Variants in ZC3H12C observed in about 807,000 individuals in gnomAD.
ZC3H12C encodes probable ribonuclease ZC3H12C.
A neutral mutation model predicts 76.3 loss-of-function variants in ZC3H12C; 20 were observed. The ratio of observed to expected loss-of-function variants is 0.26; its 90% CI spans 0.18 to 0.38. ZC3H12C has a LOEUF of 0.38. ZC3H12C is among the 10% of genes least tolerant of loss of function. The pLI is 1.00. For missense variants in ZC3H12C, 874 were observed against 1,086.5 expected (o/e 0.80, Z 2.75); for synonymous variants, 352 against 399.6 (o/e 0.88, Z 1.42).
intron 1 of ZC3H12C, among the ~76,000 whole-genome samples, chr11:110,109,037 A>G (rs1402782073): frequency 1.3e-5 from 2 of 152,192 alleles, no homozygotes; most frequent in East Asian, 1.9e-4. Flanking sequence ...TATACCGTAT[A>G]ATTTCTTTCT....
chr11:110,110,258 T>G (rs57156442), intron 1 of ZC3H12C, among the ~76,000 whole-genome samples: 4,916 of 152,194 alleles, frequency 0.032, 155 homozygotes, highest in East Asian at 0.086. Flanking sequence ...TAGTTTGTTT[T>G]AAAAATATTT....
At chr11:110,160,463 C>T (rs552978247) in intron 4 of ZC3H12C, among the ~76,000 whole-genome samples, 78 of 152,050 alleles carry the variant, frequency 5.1e-4, no homozygotes, top group African/African-American at 1.8e-3. Flanking sequence ...TGTACAAAAA[C>T]ATTTTCCTTC....
intron 2 of ZC3H12C, among the ~76,000 whole-genome samples, 160 bp from the exon 3 acceptor site, chr11:110,152,759 C>T (rs1317666431): frequency 2.0e-5 from 3 of 152,166 alleles, no homozygotes; most frequent in African/African-American, 7.2e-5. Context: ...TGATTTTCAA[C>T]TTAGTTATCT....
chr11:110,134,427 A>G (rs1861918735), intron 1 of ZC3H12C, among the ~76,000 whole-genome samples: 1 of 152,050 alleles, frequency 6.6e-6, no homozygotes, highest in Non-Finnish European at 1.5e-5. Flanking sequence ...CGTTTAAGAT[A>G]CTTTTGGTGG....
At chr11:110,106,501 TG>T (rs1194015998) in intron 1 of ZC3H12C, among the ~76,000 whole-genome samples, 1 of 152,202 alleles carries the variant, frequency 6.6e-6, no homozygotes, top group Non-Finnish European at 1.5e-5. Flanking sequence ...TATGTGATCT[TG>T]GGTAGGTTTC....
Position 110,169,342 on chromosome 11 carries a change from GTGT to G in ZC3H12C, c.*3606_*3608del, listed in dbSNP as rs1862635246. ...GACAGGTGGGAGGATGGCTCTGGGT[GTGT>G]GTGTGTGTGTGTGTGTGTGTGTGTG... On this transcript the variant is annotated 3_prime_UTR_variant, in exon 6 of 6. Coordinates refer to ENST00000278590, the MANE Select transcript of ZC3H12C (RefSeq NM_033390.2). 1.0e-4 allele frequency: 2 copies of G among 19,264 alleles called. No individual in the cohort carries two copies. Among genetic ancestry groups the G allele is most frequent in the East Asian group, 0.025 (2 of 80 alleles). The allele number at this position is 19,264 out of a possible 1,614,324, so 1.2% of individuals were successfully genotyped here.
intron 1 of ZC3H12C, chr11:110,136,366 T>G: frequency 7.3e-6 from 2 of 272,628 alleles, no homozygotes; most frequent in East Asian, 7.8e-5. Flanking sequence ...AGAAGGAGCA[T>G]GATATAGTGG....
intron 1 of ZC3H12C, among the ~76,000 whole-genome samples, chr11:110,093,839 G>A (rs1176469859): frequency 6.7e-6 from 1 of 150,150 alleles, no homozygotes; most frequent in Non-Finnish European, 1.5e-5. Context: ...GCTCAGACTC[G>A]CGCGCGCTCG....
At chr11:110,142,354 T>C (rs947675970) in intron 2 of ZC3H12C, among the ~76,000 whole-genome samples, 2 of 152,180 alleles carry the variant, frequency 1.3e-5, no homozygotes, top group Non-Finnish European at 2.9e-5. Context: ...TCCTATTACA[T>C]AGAAATAAAG....
intron 1 of ZC3H12C, among the ~76,000 whole-genome samples, chr11:110,114,863 G>A (rs1346910480): frequency 6.6e-6 from 1 of 152,052 alleles, no homozygotes; most frequent in Admixed American, 6.5e-5. Context: ...AAATATTATG[G>A]CTTTAACTTT....
At chr11:110,155,636 CT>C (rs1376414422) in intron 3 of ZC3H12C, among the ~76,000 whole-genome samples, 1 of 151,986 alleles carries the variant, frequency 6.6e-6, no homozygotes, top group Non-Finnish European at 1.5e-5. Flanking sequence ...TTTTAATGAT[CT>C]GCAGAAATGC....
intron 3 of ZC3H12C, among the ~76,000 whole-genome samples, chr11:110,155,056 G>T (rs1287936447): frequency 6.6e-6 from 1 of 152,134 alleles, no homozygotes; most frequent in South Asian, 2.1e-4. Flanking sequence ...GGGAGACCGA[G>T]GCAGATGGAT....
At chr11:110,150,685 G>C (rs978278765) in intron 2 of ZC3H12C, among the ~76,000 whole-genome samples, 1 of 152,042 alleles carries the variant, frequency 6.6e-6, no homozygotes, top group Non-Finnish European at 1.5e-5. Flanking sequence ...ATTAGATCAA[G>C]CTTGTAATTG....
intron 1 of ZC3H12C, among the ~76,000 whole-genome samples, chr11:110,125,283 G>GTGTA (rs1861720626): frequency 2.0e-4 from 3 of 14,996 alleles, no homozygotes; most frequent in Non-Finnish European, 4.8e-4. Flanking sequence ...GTGTGTGTGT[G>GTGTA]TGTGTGTGTG....
In ZC3H12C at chr11:110,164,291, T is replaced by A; in HGVS notation, c.1256-50T>A. On this transcript the variant is annotated intron_variant, in intron 5 of 5. Coordinates refer to ENST00000278590, the MANE Select transcript of ZC3H12C (RefSeq NM_033390.2). This position sits in a 1 kb window ranked among gnomAD's most constrained non-coding sequence, Gnocchi z 5.7. ...AAAATCATAGGGCCAAACTGAGTTT[T>A]CAGGATCTGATGGTATGCTCCTTTG... The A allele has an allele frequency of 6.8e-7, 1 of 1,473,144 alleles. No homozygotes were observed. The highest frequency in any genetic ancestry group is 2.4e-5 in the East Asian group (1 of 41,050). 91.3% of individuals were successfully genotyped at this position (1,473,144 alleles called of 1,614,324 possible).
intron 4 of ZC3H12C, among the ~76,000 whole-genome samples, chr11:110,161,851 C>T (rs1173919669): frequency 6.6e-6 from 1 of 152,172 alleles, no homozygotes; most frequent in Non-Finnish European, 1.5e-5. Context: ...AAGAATTATG[C>T]CAGGTGTGGT....
chr11:110,107,458 C>T (rs553446242), intron 1 of ZC3H12C, among the ~76,000 whole-genome samples: 5 of 152,060 alleles, frequency 3.3e-5, no homozygotes, highest in Non-Finnish European at 5.9e-5. Context: ...TCTCAGCTCA[C>T]GGAAGCTCTG....
chr11:110,170,890 GTTAAC>G lies in ZC3H12C; in HGVS notation c.*5158_*5162del, dbSNP rs1370008706. 2 of 152,074 alleles carry G rather than the reference GTTAAC, an allele frequency of 1.3e-5. No individual in the cohort carries two copies. Among genetic ancestry groups the G allele is most frequent in the African/African-American group, 2.4e-5 (1 of 41,414 alleles). 9.4% of individuals were successfully genotyped at this position (152,074 alleles called of 1,614,324 possible). A position where few individuals can be genotyped will look rare whatever the true frequency, so the allele number is the denominator to read the frequency against. On this transcript the variant is annotated 3_prime_UTR_variant, in exon 6 of 6. Transcript: ENST00000278590. ...ACTTTGTTTTTCCTTAATACTTTCT[GTTAAC>G]TTAATTATTACTCCTGTTGCAGTGT...
chr11:110,155,515 T>C (rs1862360783), intron 3 of ZC3H12C, among the ~76,000 whole-genome samples: 1 of 144,860 alleles, frequency 6.9e-6, no homozygotes, highest in African/African-American at 2.5e-5. Flanking sequence ...AGACATCCCA[T>C]GCAGTACCAT....
Sources: gnomAD v4.1 joint callset for allele counts (sites outside exome capture counted in the v4.1 genomes callset) on GRCh38, gnomAD v4.1.1 for gene constraint, Gnocchi (gnomAD v3.1) non-coding constraint, MANE v1.5 for transcripts, NCBI Gene and HGNC (gene_info 2026-07-23, HGNC 2026-07-21) for gene names.